The following TRPM3 variants were observed in gnomAD, a reference collection of about 807,000 sequenced individuals.
TRPM3 encodes the protein long transient receptor potential channel 3.
TRPM3 carries 77 observed loss-of-function variants against 181.2 expected under a neutral mutation model. The observed-to-expected ratio is 0.42, with a 90% CI of 0.35 to 0.51. The LOEUF is 0.51. TRPM3 is among the 20% of genes least tolerant of loss of function. The pLI, the probability that TRPM3 is intolerant of heterozygous loss-of-function variation, is 0.01. For synonymous variants in TRPM3, 745 were observed against 796.4 expected (o/e 0.94, Z 1.09); for missense variants, 1,759 against 2,196.7 (o/e 0.80, Z 3.98).
intron 1 of TRPM3, among the ~76,000 whole-genome samples, chr9:71,064,330 T>C (rs1036265234): frequency 1.3e-5 from 2 of 152,060 alleles, no homozygotes; most frequent in African/African-American, 2.4e-5. Context: ...TGCTTGGAGA[T>C]AAAATTGACT....
At chr9:70,909,795 G>A (rs540395700) in intron 1 of TRPM3, among the ~76,000 whole-genome samples, 2 of 152,286 alleles carry the variant, frequency 1.3e-5, no homozygotes, top group South Asian at 2.1e-4. Flanking sequence ...AAAAGCAATT[G>A]TGGTTTTTGC....
At chr9:71,089,741 G>A in intron 1 of TRPM3, among the ~76,000 whole-genome samples, 1 of 152,120 alleles carries the variant, frequency 6.6e-6, no homozygotes, top group East Asian at 1.9e-4. Flanking sequence ...GATAGAAGAA[G>A]CTCAGTGTCT....
intron 7 of TRPM3, among the ~76,000 whole-genome samples, chr9:70,777,135 A>G (rs537772159): frequency 3.3e-5 from 5 of 152,146 alleles, no homozygotes; most frequent in Admixed American, 1.3e-4. Flanking sequence ...CTTGGCATTG[A>G]TGCACTTTCT....
intron 1 of TRPM3, among the ~76,000 whole-genome samples, chr9:71,417,556 C>CA (rs1203729970): frequency 6.6e-6 from 1 of 151,892 alleles, no homozygotes; most frequent in African/African-American, 2.4e-5. Context: ...ACTGGTCTTC[C>CA]AAAATATTAT....
chr9:71,377,284 A>T (rs2092689490), intron 1 of TRPM3, among the ~76,000 whole-genome samples: 1 of 152,114 alleles, frequency 6.6e-6, no homozygotes, highest in Admixed American at 6.6e-5. Flanking sequence ...AAAGCCCTCT[A>T]AGAAATTATT....
At chr9:70,811,213 G>A in intron 6 of TRPM3, 1 of 1,612,420 alleles carries the variant, frequency 6.2e-7, no homozygotes. Context: ...AATAAAACAA[G>A]CGGGAGTCAA....
At chr9:70,982,904 T>C (rs569913151) in intron 1 of TRPM3, among the ~76,000 whole-genome samples, 1 of 152,202 alleles carries the variant, frequency 6.6e-6, no homozygotes, top group Admixed American at 6.5e-5. Flanking sequence ...TTTCGCCATG[T>C]TGGCCAGGCT....
chr9:70,769,727 T>C (rs1018812408), intron 7 of TRPM3, among the ~76,000 whole-genome samples: 8 of 152,164 alleles, frequency 5.3e-5, no homozygotes, highest in Admixed American at 5.2e-4. Flanking sequence ...TATATTTCTA[T>C]GATTATTTTA....
At chr9:71,092,881 C>T (rs1028638838) in intron 1 of TRPM3, among the ~76,000 whole-genome samples, 3 of 152,138 alleles carry the variant, frequency 2.0e-5, no homozygotes, top group Admixed American at 6.6e-5. Context: ...CAGCATGGTA[C>T]TGGTACCAAA....
intron 1 of TRPM3, among the ~76,000 whole-genome samples, chr9:71,202,228 A>G (rs1413586905): frequency 6.6e-6 from 1 of 152,094 alleles, no homozygotes; most frequent in East Asian, 1.9e-4. Context: ...GTGACGTGTC[A>G]GTCTGCCCCT....
chr9:71,075,476 T>G (rs896199682), intron 1 of TRPM3, among the ~76,000 whole-genome samples: 2 of 152,210 alleles, frequency 1.3e-5, no homozygotes, highest in African/African-American at 4.8e-5. Context: ...TACTTCTCTA[T>G]GCAAACTTGT....
chr9:70,946,778 C>G (rs2096938142), intron 1 of TRPM3, among the ~76,000 whole-genome samples: 1 of 152,064 alleles, frequency 6.6e-6, no homozygotes, highest in Non-Finnish European at 1.5e-5. Flanking sequence ...TCTTAACTTG[C>G]AATACACAGA....
chr9:71,319,422 G>C (rs1441407928), intron 1 of TRPM3, among the ~76,000 whole-genome samples: 2 of 152,162 alleles, frequency 1.3e-5, no homozygotes, highest in Non-Finnish European at 2.9e-5. Context: ...AGAGCCAGGA[G>C]CATCAGTGCT....
At chr9:71,298,113 C>T (rs1018615435) in intron 1 of TRPM3, among the ~76,000 whole-genome samples, 1 of 152,004 alleles carries the variant, frequency 6.6e-6, no homozygotes, top group African/African-American at 2.4e-5. Context: ...AAAAGTTCCT[C>T]TAGTAAACTG....
intron 1 of TRPM3, among the ~76,000 whole-genome samples, chr9:71,389,486 T>C (rs765598461): frequency 2.6e-5 from 4 of 152,232 alleles, no homozygotes; most frequent in Non-Finnish European, 4.4e-5. Context: ...CCTGGGTATC[T>C]ACCCAGAGGA....
chr9:71,283,879 C>T (rs2085061578), intron 1 of TRPM3, among the ~76,000 whole-genome samples: 1 of 152,212 alleles, frequency 6.6e-6, no homozygotes, highest in Admixed American at 6.5e-5. Flanking sequence ...ATACTGTCTT[C>T]TGAGAGTTAT....
At chr9:71,016,216 G>T (rs911948751) in intron 1 of TRPM3, among the ~76,000 whole-genome samples, 1 of 141,850 alleles carries the variant, frequency 7.0e-6, no homozygotes, top group African/African-American at 2.6e-5. Context: ...CCTTTAAAAA[G>T]TTGTGATTAT....
At chr9:71,131,474 C>T (rs1050916343) in intron 1 of TRPM3, among the ~76,000 whole-genome samples, 2 of 152,104 alleles carry the variant, frequency 1.3e-5, no homozygotes, top group Non-Finnish European at 2.9e-5. Flanking sequence ...CGACTGTATC[C>T]CAGATCCTTG....
intron 9 of TRPM3, 31 bp from the exon 10 acceptor site, chr9:70,640,691 G>C: frequency 6.4e-7 from 1 of 1,573,698 alleles, no homozygotes; most frequent in East Asian, 2.2e-5. Flanking sequence ...GAAAAGAGTG[G>C]AAGAGAGAAA....
Sources: gnomAD v4.1 joint callset for allele counts (sites outside exome capture counted in the v4.1 genomes callset) on GRCh38, gnomAD v4.1.1 for gene constraint, MANE v1.5 for transcripts, NCBI Gene and HGNC (gene_info 2026-07-23, HGNC 2026-07-21) for gene names.